NXN: variants seen among roughly 807,000 people sequenced by gnomAD.
NXN encodes nucleoredoxin, also known as nucleoredoxin 1.
A neutral mutation model predicts 48.6 loss-of-function variants in NXN; 16 were observed. That is an observed-to-expected ratio of 0.33 (90% CI 0.22 to 0.50). NXN has a LOEUF of 0.50. Ranked by LOEUF, NXN falls within the 20% of genes least tolerant of loss-of-function variation. The probability of loss-of-function intolerance (pLI) is 0.98; values close to 1 mark genes in which losing one functional copy is unlikely to be tolerated. For missense variants in NXN, 492 were observed against 605.5 expected, an observed-to-expected ratio of 0.81 and a Z score of 1.97; for synonymous variants, 281 against 269.6, an observed-to-expected ratio of 1.04 and a Z score of -0.41.
chr17:898,239 C>G (rs1308398726), intron 1 of NXN, among the ~76,000 whole-genome samples: 1 of 152,128 alleles, frequency 6.6e-6, no homozygotes, highest in Non-Finnish European at 1.5e-5. Flanking sequence ...TGGTCTTTAC[C>G]ATCCCCCCAA....
chr17:828,292 CG>C lies in NXN; in HGVS notation c.361-2215del, dbSNP rs35650276. 3.3e-5 allele frequency among the ~76,000 whole-genome samples: 5 copies of C among 150,940 alleles called. No individual in the cohort carries two copies. In the South Asian group the frequency reaches 6.3e-4, roughly 19 times the overall value. ...CTAGTTTTTATATTTTTAGTAGAGA[CG>C]GGGTTTCACCATGTTGGCCAGGCTG... On this transcript the variant is annotated intron_variant, in intron 1 of 7. Coordinates refer to ENST00000336868, the MANE Select transcript of NXN (RefSeq NM_022463.5).
At chr17:875,806 CA>C (rs1000275316) in intron 1 of NXN, among the ~76,000 whole-genome samples, 1 of 151,754 alleles carries the variant, frequency 6.6e-6, no homozygotes, top group Non-Finnish European at 1.5e-5. Flanking sequence ...TTTTGTTGCT[CA>C]GGGGGTCTCA....
At chr17:963,328 C>T (rs959902368) in intron 1 of NXN, among the ~76,000 whole-genome samples, 4 of 151,922 alleles carry the variant, frequency 2.6e-5, no homozygotes, top group East Asian at 1.9e-4. Flanking sequence ...CCGGGCTAGG[C>T]GCAGTGGCTC....
At chr17:896,492 G>A (rs953820175) in intron 1 of NXN, among the ~76,000 whole-genome samples, 3 of 152,202 alleles carry the variant, frequency 2.0e-5, no homozygotes, top group Non-Finnish European at 4.4e-5. Context: ...GGGCAACACA[G>A]CAGACCCTGT....
intron 1 of NXN, among the ~76,000 whole-genome samples, chr17:841,449 T>G (rs76134619): frequency 2.1e-5 from 1 of 47,012 alleles, no homozygotes; most frequent in African/African-American, 9.8e-5. Flanking sequence ...CAGGTCCCCC[T>G]GACCACGGCG....
chr17:887,634 C>A (rs1362260118), intron 1 of NXN, among the ~76,000 whole-genome samples: 1 of 152,088 alleles, frequency 6.6e-6, no homozygotes, highest in African/African-American at 2.4e-5. Flanking sequence ...GTGTGCTCGC[C>A]AATTAAACGG....
intron 5 of NXN, among the ~76,000 whole-genome samples, chr17:807,499 G>T (rs945847699): frequency 6.6e-6 from 1 of 152,198 alleles, no homozygotes; most frequent in Non-Finnish European, 1.5e-5. Flanking sequence ...TCCTCCAAGC[G>T]GCCTTTTTCC....
At chr17:896,692 A>G (rs529575865) in intron 1 of NXN, among the ~76,000 whole-genome samples, 14 of 152,288 alleles carry the variant, frequency 9.2e-5, no homozygotes, top group Admixed American at 2.6e-4. Flanking sequence ...ACCCCGGCCC[A>G]AGGAAGTTTT....
intron 7 of NXN, among the ~76,000 whole-genome samples, chr17:803,384 A>T (rs1911308948): frequency 6.6e-6 from 1 of 152,182 alleles, no homozygotes; most frequent in Non-Finnish European, 1.5e-5. Flanking sequence ...GGAGGTGTGG[A>T]TCACACTTTG....
At chr17:893,669 C>T (rs9674573) in intron 1 of NXN, among the ~76,000 whole-genome samples, 1,444 of 36,674 alleles carry the variant, frequency 0.039, 10 homozygotes, top group South Asian at 0.097. Flanking sequence ...CCAGAGGAAG[C>T]ATCTCAACTC....
At chr17:869,800 C>G (rs1342265477) in intron 1 of NXN, among the ~76,000 whole-genome samples, 2 of 152,216 alleles carry the variant, frequency 1.3e-5, no homozygotes, top group Admixed American at 1.3e-4. Context: ...TTAACAGCTA[C>G]GTCCTGCCAA....
chr17:902,230 G>A (rs935011872), intron 1 of NXN, among the ~76,000 whole-genome samples: 3 of 152,186 alleles, frequency 2.0e-5, no homozygotes, highest in Admixed American at 1.3e-4. Flanking sequence ...ACGGACCCAC[G>A]TCCGCCGTCC....
chr17:963,736 C>T (rs1453428222), intron 1 of NXN, among the ~76,000 whole-genome samples: 2 of 152,130 alleles, frequency 1.3e-5, no homozygotes, highest in Admixed American at 1.3e-4. Context: ...CCAGACACTA[C>T]TAACAGTGAT....
Position 919,485 on chromosome 17 carries a change from G to T in NXN, c.360+59834C>A, listed in dbSNP as rs560719521. ...AGAAAACGTGTTATTGTAACACGAG[G>T]AAAAAGCCCTGTAATCTCAGCACAA... On this transcript the variant is annotated intron_variant, in intron 1 of 7. Transcript: ENST00000336868. This position sits in a 1 kb window ranked among gnomAD's most constrained non-coding sequence, Gnocchi z 5.1. Among the ~76,000 whole-genome samples the T allele has an allele frequency of 6.6e-5, 10 of 152,254 alleles. No homozygotes were observed. The highest frequency in any genetic ancestry group is 2.4e-4 in the African/African-American group (10 of 41,548).
intron 5 of NXN, among the ~76,000 whole-genome samples, chr17:810,125 GTGGCGTGCACGTTACGAGTCTGTGAC>G (rs1567810684): frequency 1.0e-4 from 12 of 118,974 alleles, no homozygotes; most frequent in African/African-American, 3.0e-4. Context: ...GTCCGTGTGA[GTGGCGTGCACGTTACGAGTCTGTGAC>G]TGGCGTGCAC....
chr17:835,276 C>G (rs1913746871), intron 1 of NXN, among the ~76,000 whole-genome samples: 1 of 150,314 alleles, frequency 6.7e-6, no homozygotes. Context: ...CCACTGCACT[C>G]CAGCCTGGAA....
intron 1 of NXN, among the ~76,000 whole-genome samples, chr17:904,484 A>C (rs1008638780): frequency 1.3e-5 from 2 of 152,088 alleles, no homozygotes; most frequent in Non-Finnish European, 2.9e-5. Flanking sequence ...TTTCCCCTCC[A>C]CTTTGACCCA....
chr17:934,183 C>G (rs998847174), intron 1 of NXN, among the ~76,000 whole-genome samples: 9 of 152,188 alleles, frequency 5.9e-5, no homozygotes, highest in African/African-American at 1.9e-4. Context: ...CGGTGGCTCA[C>G]GCCTGTAATC....
In NXN at chr17:814,199, T is replaced by TTGC. The variant is rs397823088; in HGVS notation, c.820+5239_820+5240insGCA. Among the ~76,000 whole-genome samples, 15 of 151,292 alleles carry TTGC rather than the reference T, an allele frequency of 9.9e-5. No homozygotes were observed. In the East Asian group the frequency reaches 2.9e-3, roughly 30 times the overall value. ...ACGGCGTGAACCCGGAAGGCAGATGTAGTGAGCAGAGATTGCGCCACTGCA... is the reference window on the plus strand; with the variant it reads ...ACGGCGTGAACCCGGAAGGCAGATGTTGCAGTGAGCAGAGATTGCGCCACTGCA... On this transcript the variant is annotated intron_variant, in intron 5 of 7. Transcript: ENST00000336868.
Sources: allele counts gnomAD v4.1 joint callset (sites outside exome capture counted in the v4.1 genomes callset), GRCh38; gene constraint gnomAD v4.1.1; non-coding constraint Gnocchi (gnomAD v3.1); transcripts MANE v1.5; gene names NCBI Gene and HGNC (gene_info 2026-07-23, HGNC 2026-07-21).